The following DSC2 variants were observed in gnomAD, a reference collection of about 807,000 sequenced individuals.
The protein encoded by DSC2 is desmocollin 2.
In DSC2, 51 loss-of-function variants were observed where a neutral mutation model predicts 87.6. The ratio of observed to expected loss-of-function variants is 0.58; its 90% CI spans 0.46 to 0.74. The LOEUF is 0.74. DSC2 is among the 30% of genes least tolerant of loss of function. DSC2 has a pLI of 0.00. For synonymous variants in DSC2, 383 were observed against 393.2 expected (o/e 0.97, Z 0.31); for missense variants, 1,066 against 1,089.5 (o/e 0.98, Z 0.30).
rs977334799 is a variant in DSC2 at position 31,061,510 on chromosome 18, T to C, written c.*6505A>G. The stretch of plus-strand genomic sequence containing the variant: ...AGAATTTAGGATATACCAAATGGCT[T>C]GAGAAGAATATGCTCCAAATCCATG... On this transcript the variant is annotated 3_prime_UTR_variant, in exon 16 of 16. Coordinates refer to ENST00000280904, the MANE Select transcript of DSC2 (RefSeq NM_024422.6). The C allele has an allele frequency of 2.0e-5, 3 of 152,206 alleles. No homozygotes were observed. The highest frequency in any genetic ancestry group is 6.5e-5 in the Admixed American group (1 of 15,274). 9.4% of individuals were successfully genotyped at this position (152,206 alleles called of 1,614,324 possible).
Position 31,097,213 on chromosome 18 carries a change from G to A in DSC2, c.70-3570C>T, listed in dbSNP as rs141058730. On this transcript the variant is annotated intron_variant, in intron 1 of 15. Transcript: ENST00000280904. The stretch of plus-strand genomic sequence containing the variant: ...TGAGGGAGGAGAATGGTGTGAACCC[G>A]AGAGGCAGAGCTTGCAGTGAGCAGA... Among the ~76,000 whole-genome samples, 152 of 151,272 alleles carry A rather than the reference G, an allele frequency of 1.0e-3. 4 individuals carry two copies. The East Asian group carries it at 0.022, about 22-fold the overall frequency.
intron 1 of DSC2, among the ~76,000 whole-genome samples, chr18:31,095,116 G>A (rs1010564850): frequency 2.0e-5 from 3 of 152,182 alleles, no homozygotes; most frequent in African/African-American, 7.2e-5. Flanking sequence ...AATAAAGCAG[G>A]GAGAGAGGGT....
rs763981974 is a variant in DSC2, at chr18:31,080,309, C to A, written c.1307G>T (p.Gly436Val). 2.1e-5 allele frequency: 34 copies of A among 1,613,970 alleles called. No homozygotes were observed. The highest frequency in any genetic ancestry group is 2.8e-5 in the Non-Finnish European group (33 of 1,179,936). Residue 436 changes from glycine (G) to valine (V), a missense_variant, in exon 10 of 16, where the codon GGT (glycine) becomes GTT (valine). Gly to Val is a moderately radical substitution (Grantham distance 109). Transcript: ENST00000280904. ...GGAAAATGGAGCTTCATTAACTACA[C>A]CAATTTGCAAGATCATCTGTTGCTT... Reference protein sequence around the residue: ...EEKQQMILQIGVVNEAPFSRE... With the variant: ...EEKQQMILQIVVVNEAPFSRE...
chr18:31,095,414 T>C (rs1486608605), intron 1 of DSC2, among the ~76,000 whole-genome samples: 1 of 152,142 alleles, frequency 6.6e-6, no homozygotes. Flanking sequence ...GAAGAAGCTG[T>C]GGAGTGGCGT....
At chr18:31,076,424 A>C (rs1172410170) in intron 11 of DSC2, among the ~76,000 whole-genome samples, 1 of 152,234 alleles carries the variant, frequency 6.6e-6, no homozygotes, top group African/African-American at 2.4e-5. Flanking sequence ...TAAGCCTGCA[A>C]ACTAAAATTC....
chr18:31,078,284 T>A (rs565250976), intron 11 of DSC2, among the ~76,000 whole-genome samples: 2 of 152,330 alleles, frequency 1.3e-5, no homozygotes, highest in South Asian at 4.1e-4. Context: ...AATTACTGAT[T>A]CACAGTTCTC....
chr18:31,084,926 T>G (rs1206622570), intron 7 of DSC2, among the ~76,000 whole-genome samples: 18 of 152,080 alleles, frequency 1.2e-4, no homozygotes, highest in Admixed American at 1.2e-3. Context: ...ATTTGGAAGC[T>G]CTGCATTACT....
rs762786487 is a variant in DSC2, at chr18:31,080,308, A to G, written c.1308T>C (p.Gly436=). 1.1e-5 allele frequency: 18 copies of G among 1,614,028 alleles called. No individual in the cohort carries two copies. Among genetic ancestry groups the G allele is most frequent in the Non-Finnish European group, 1.5e-5 (18 of 1,179,948 alleles). The change falls in exon 10 of 16, where the codon GGT becomes GGC. Residue 436 remains glycine, a synonymous_variant. Transcript: ENST00000280904. The part of the protein sequence containing the change: ...EEKQQMILQI[G]VVNEAPFSRE... ...TGGAAAATGGAGCTTCATTAACTAC[A>G]CCAATTTGCAAGATCATCTGTTGCT...
Position 31,071,677 on chromosome 18 carries a change from T to C in DSC2, c.2053A>G (p.Ile685Val). 1 of 1,577,490 alleles carries C rather than the reference T, an allele frequency of 6.3e-7. No individual in the cohort carries two copies. The change falls in exon 13 of 16, where the codon ATT (isoleucine) becomes GTT (valine). Residue 685 changes from isoleucine (I) to valine (V), a missense_variant. By Grantham distance (29) the Ile-to-Val change is conservative. Coordinates refer to ENST00000280904, the MANE Select transcript of DSC2 (RefSeq NM_024422.6). ...NDCTHRVDPR[I>V]GGGGVQLGKW... is the part of the protein sequence containing the mutation. ...CCAAGTTGTACTCCTCCACCGCCAA[T>C]CCTTGGATCTACACGATGTGTGCAG...
In DSC2 at chr18:31,060,698, C is replaced by T. The variant is rs774803448; in HGVS notation, c.*7317G>A. On this transcript the variant is annotated 3_prime_UTR_variant, in exon 16 of 16. Transcript: ENST00000280904. Reference sequence around the variant, plus strand: ...ACTTTGCATACATCTTCTTGACTAGCAGCATTTATGTGGCAAAACTTGTTA... The same window carrying T: ...ACTTTGCATACATCTTCTTGACTAGTAGCATTTATGTGGCAAAACTTGTTA... 2 of 152,160 alleles carry T rather than the reference C, an allele frequency of 1.3e-5. No homozygotes were observed. The highest frequency in any genetic ancestry group is 4.8e-5 in the African/African-American group (2 of 41,442). 9.4% of individuals were successfully genotyped at this position (152,160 alleles called of 1,614,324 possible).
At chr18:31,082,805 G>T (rs1178036781) in intron 8 of DSC2, 121 bp downstream of exon 8, 1 of 1,119,392 alleles carries the variant, frequency 8.9e-7, no homozygotes, top group Non-Finnish European at 1.3e-6. Context: ...TGATCCGCCC[G>T]CCTCGGCCTC....
At chr18:31,081,785 T>C (rs1987225961) in intron 9 of DSC2, among the ~76,000 whole-genome samples, 2 of 152,192 alleles carry the variant, frequency 1.3e-5, no homozygotes, top group Non-Finnish European at 2.9e-5. Context: ...GGATTTTCAT[T>C]CTGAACCTGG....
intron 7 of DSC2, among the ~76,000 whole-genome samples, chr18:31,085,466 T>C (rs879760423): frequency 6.6e-6 from 1 of 151,224 alleles, no homozygotes; most frequent in Non-Finnish European, 1.5e-5. Flanking sequence ...TTTATTATTT[T>C]TAATATTTAA....
intron 2 of DSC2, 103 bp from the exon 3 acceptor site, chr18:31,092,403 A>T (rs1442639963): frequency 3.2e-6 from 3 of 938,958 alleles, no homozygotes; most frequent in Non-Finnish European, 3.4e-6. Context: ...AAAATTCATT[A>T]TACTGACACT....
chr18:31,085,983 G>C (rs985791304), intron 7 of DSC2, among the ~76,000 whole-genome samples: 3 of 152,004 alleles, frequency 2.0e-5, no homozygotes, highest in African/African-American at 7.2e-5. Flanking sequence ...GGGGGGCCAA[G>C]AGACATCAAA....
At position 31,092,207 on chromosome 18, in the gene DSC2, T is replaced by C. The variant is rs1226238061; in HGVS notation, c.248A>G (p.Asn83Ser). The part of the protein sequence containing the change: ...ILEDGSVYTT[N>S]TILLSSEKRS... Reference sequence around the variant, plus strand: ...CTTCTCCGAGGACAATAGAATAGTATTTGTTGTATAGACTGAACCATCCTC... The same window carrying C: ...CTTCTCCGAGGACAATAGAATAGTACTTGTTGTATAGACTGAACCATCCTC... Residue 83 changes from asparagine to serine, a missense_variant, in exon 3 of 16, where the codon AAT (asparagine) becomes AGT (serine). Transcript: ENST00000280904. 1.9e-6 allele frequency: 3 copies of C among 1,613,786 alleles called. No homozygotes were observed.
rs982053766 is a variant in DSC2, at chr18:31,065,374, C to T, written c.*2641G>A. On this transcript the variant is annotated 3_prime_UTR_variant, in exon 16 of 16. Transcript: ENST00000280904. ...AGTGGCTAAGGTACATGATTGAGTG[C>T]TAACTCTATGCCAACTCTTTTCATG... The T allele has an allele frequency of 4.3e-4, 66 of 152,234 alleles. No homozygotes were observed. The highest frequency in any genetic ancestry group is 1.5e-3 in the African/African-American group (62 of 41,450). 9.4% of individuals were successfully genotyped at this position (152,234 alleles called of 1,614,324 possible). A position where few individuals can be genotyped will look rare whatever the true frequency, so the allele number is the denominator to read the frequency against.
At chr18:31,082,687 A>G (rs1446420229) in intron 8 of DSC2, among the ~76,000 whole-genome samples, 3 of 152,142 alleles carry the variant, frequency 2.0e-5, no homozygotes, top group Non-Finnish European at 4.4e-5. Context: ...CTTCCCGAGT[A>G]GATGGGATTA....
Position 31,074,721 on chromosome 18 carries a change from GA to G in DSC2, c.1849del (p.Ser617GlnfsTer9), listed in dbSNP as rs1418864929. 6.2e-7 allele frequency: 1 copy of G among 1,613,766 alleles called. No individual in the cohort carries two copies. Reference protein sequence around the residue: ...PFDFSLESSTSEVQRMWRLKA... With the variant: ...PFDFSLESSTXEVQRMWRLKA... ...CAGTCTCCACATTCTCTGTACTTCTGAAGTAGAACTCTCCAGACTAAAGTCA... is the reference window on the plus strand; with the variant it reads ...CAGTCTCCACATTCTCTGTACTTCTGAGTAGAACTCTCCAGACTAAAGTCA... On this transcript the variant is annotated frameshift_variant, in exon 12 of 16. Coordinates refer to ENST00000280904, the MANE Select transcript of DSC2 (RefSeq NM_024422.6). LOFTEE classifies it high-confidence loss of function.
Sources: gnomAD v4.1 joint callset for allele counts (sites outside exome capture counted in the v4.1 genomes callset) on GRCh38, gnomAD v4.1.1 for gene constraint, MANE v1.5 for transcripts, NCBI Gene and HGNC (gene_info 2026-07-23, HGNC 2026-07-21) for gene names.